The following SYT12 variants were observed in gnomAD, a reference collection of about 807,000 sequenced individuals.
The protein encoded by SYT12 is synaptotagmin-12.
A neutral mutation model predicts 39.5 loss-of-function variants in SYT12; 27 were observed. That is an observed-to-expected ratio of 0.68 (90% confidence interval 0.50 to 0.94). The LOEUF is 0.94. Ranked by LOEUF, SYT12 falls within the 40% of genes least tolerant of loss-of-function variation. The probability of loss-of-function intolerance (pLI) is 0.00; values close to 1 mark genes in which losing one functional copy is unlikely to be tolerated. For missense variants in SYT12, 536 were observed against 572.6 expected (o/e 0.94, Z 0.65); for synonymous variants, 233 against 239.7 (o/e 0.97, Z 0.26).
chr11:67,034,230 T>C (rs1354702829), intron 2 of SYT12, among the ~76,000 whole-genome samples: 1 of 152,238 alleles, frequency 6.6e-6, no homozygotes, highest in Non-Finnish European at 1.5e-5. Flanking sequence ...ATCTACTGTA[T>C]AGACTGGTGT....
intron 2 of SYT12, among the ~76,000 whole-genome samples, chr11:67,033,887 G>A (rs942171235): frequency 6.6e-6 from 1 of 152,176 alleles, no homozygotes; most frequent in Admixed American, 6.5e-5. Context: ...CACAGTTGAG[G>A]AGGTTGTTAA....
chr11:67,036,100 T>C (rs1741055311), intron 3 of SYT12, among the ~76,000 whole-genome samples: 1 of 151,540 alleles, frequency 6.6e-6, no homozygotes, highest in Admixed American at 6.6e-5. Flanking sequence ...TTATTTTTTG[T>C]AGAGACGGGG....
intron 3 of SYT12, among the ~76,000 whole-genome samples, chr11:67,035,633 A>G (rs1950347479): frequency 1.4e-5 from 2 of 147,098 alleles, no homozygotes; most frequent in South Asian, 2.2e-4. Context: ...AATTTTTTGT[A>G]TTTTTAGTAG....
At chr11:67,041,645 C>A (rs1309424838) in intron 4 of SYT12, among the ~76,000 whole-genome samples, 1 of 152,036 alleles carries the variant, frequency 6.6e-6, no homozygotes, top group Non-Finnish European at 1.5e-5. Flanking sequence ...GGTTACTGGG[C>A]CCAAAAGGAT....
chr11:67,034,521 C>T, intron 2 of SYT12, 124 bp from the exon 3 acceptor site: 1 of 802,802 alleles, frequency 1.2e-6, no homozygotes, highest in Non-Finnish European at 1.8e-6. Context: ...CATGGGATCT[C>T]CAGCACCTAG....
At chr11:67,033,190 C>T (rs1019180712) in intron 2 of SYT12, among the ~76,000 whole-genome samples, 2 of 152,138 alleles carry the variant, frequency 1.3e-5, no homozygotes, top group Admixed American at 1.3e-4. Context: ...TTTTTATACC[C>T]CTCTATTCTT....
chr11:67,012,209 A>G (rs938124527), intron 3 of SYT12, among the ~76,000 whole-genome samples: 3 of 151,730 alleles, frequency 2.0e-5, no homozygotes, highest in African/African-American at 7.2e-5. Flanking sequence ...TGTCTCTACT[A>G]AAAATACAAA....
At chr11:67,015,543 G>A (rs1950051299) in intron 3 of SYT12, among the ~76,000 whole-genome samples, 2 of 152,146 alleles carry the variant, frequency 1.3e-5, no homozygotes, top group African/African-American at 2.4e-5. Flanking sequence ...TTCTCTCCTC[G>A]GGAGAGAAAA....
chr11:67,027,479 GAC>G (rs1304760048), intron 1 of SYT12: 1 of 130,582 alleles, frequency 7.7e-6, no homozygotes, highest in African/African-American at 3.0e-5. Context: ...AAGCCTGGGT[GAC>G]ACAGTGAGGC....
At chr11:67,039,188 G>T (rs189499015) in intron 3 of SYT12, among the ~76,000 whole-genome samples, 1 of 148,312 alleles carries the variant, frequency 6.7e-6, no homozygotes, top group Admixed American at 6.7e-5. Flanking sequence ...CTGTAATCCC[G>T]GGTCCTCAGG....
At chr11:67,006,928 A>G (rs560848119) in exon 1 of SYT12, 1 of 152,336 alleles carries the variant, frequency 6.6e-6, no homozygotes, top group East Asian at 1.9e-4. Flanking sequence ...GTGCCTTGCA[A>G]TGCTTTATCT....
At chr11:67,040,315 T>C in intron 4 of SYT12, 112 bp downstream of exon 4, 1 of 1,392,028 alleles carries the variant, frequency 7.2e-7, no homozygotes, top group South Asian at 1.4e-5. Flanking sequence ...AGAGTGCAAG[T>C]ATGGATGCTG....
intron 4 of SYT12, among the ~76,000 whole-genome samples, chr11:67,041,402 C>T (rs1461224967): frequency 3.4e-5 from 5 of 148,876 alleles, no homozygotes; most frequent in Admixed American, 6.7e-5. Flanking sequence ...ACTCAGGAGG[C>T]GGAGGTTGCA....
intron 2 of SYT12, among the ~76,000 whole-genome samples, chr11:67,033,253 C>G (rs549119843): frequency 6.6e-5 from 10 of 152,118 alleles, no homozygotes; most frequent in Non-Finnish European, 1.3e-4. Flanking sequence ...CTTCTTGCCC[C>G]TCCTCATATC....
At chr11:67,047,954 A>AT (rs1159717660) in intron 7 of SYT12, among the ~76,000 whole-genome samples, 159 of 143,118 alleles carry the variant, frequency 1.1e-3, no homozygotes, top group Non-Finnish European at 2.0e-3. Context: ...GGCCGGGCTA[A>AT]TTTTTTTTTT....
Position 67,050,688 on chromosome 11 carries a change from CCT to C in SYT12, c.*1937_*1938del, listed in dbSNP as rs918564084. 1 of 152,488 alleles carries C rather than the reference CCT, an allele frequency of 6.6e-6. No individual in the cohort carries two copies. Among genetic ancestry groups the C allele is most frequent in the African/African-American group, 2.4e-5 (1 of 41,444 alleles). The allele number at this position is 152,488 out of a possible 1,614,324, so 9.4% of individuals were successfully genotyped here. A position where few individuals can be genotyped will look rare whatever the true frequency, so the allele number is the denominator to read the frequency against. On this transcript the variant is annotated 3_prime_UTR_variant, in exon 8 of 8. Coordinates refer to ENST00000527043, the MANE Select transcript of SYT12 (RefSeq NM_177963.4). ...CACTGACTCCCCCCCTGCCCTCTCCCCTCTCTCCCTCCCCCTAACTGCATGAC... is the reference window on the plus strand; with the variant it reads ...CACTGACTCCCCCCCTGCCCTCTCCCCTCTCCCTCCCCCTAACTGCATGAC...
chr11:67,044,846 G>C, intron 6 of SYT12, 133 bp downstream of exon 6: 1 of 1,353,960 alleles, frequency 7.4e-7, no homozygotes, highest in South Asian at 1.5e-5. Context: ...GCTTTGCTGA[G>C]CCCAGAAGTC....
intron 3 of SYT12, among the ~76,000 whole-genome samples, chr11:67,037,178 C>A (rs11227661): frequency 3.9e-5 from 6 of 152,092 alleles, no homozygotes; most frequent in Admixed American, 2.0e-4. Context: ...TTGCTTGAAC[C>A]TAGGAGCCAA....
At position 67,023,303 on chromosome 11, in the gene SYT12, C is replaced by T. The variant is rs1246512877; in HGVS notation, c.-181C>T. ...TCCGCCGCCCCGGCCCGGCCGAGCC[C>T]CCGGCCCGCGCCGCGCTCCTCGGAG... On this transcript the variant is annotated 5_prime_UTR_variant, in exon 1 of 8. Coordinates refer to ENST00000527043, the MANE Select transcript of SYT12 (RefSeq NM_177963.4). The T allele has an allele frequency of 6.7e-6, 1 of 148,186 alleles. No individual in the cohort carries two copies. Among genetic ancestry groups the T allele is most frequent in the Non-Finnish European group, 1.5e-5 (1 of 66,440 alleles). 9.2% of individuals were successfully genotyped at this position (148,186 alleles called of 1,614,324 possible).
Sources: gnomAD v4.1 joint callset for allele counts (sites outside exome capture counted in the v4.1 genomes callset) on GRCh38, gnomAD v4.1.1 for gene constraint, MANE v1.5 for transcripts, NCBI Gene and HGNC (gene_info 2026-07-23, HGNC 2026-07-21) for gene names.